NEGR1: variants seen among roughly 807,000 people sequenced by gnomAD.
NEGR1 encodes the protein neuronal growth regulator 1, also known as IgLON family member 4.
In NEGR1, 10 loss-of-function variants were observed where a neutral mutation model predicts 40.9. The ratio of observed to expected loss-of-function variants is 0.24; its 90% CI spans 0.15 to 0.42. NEGR1 has a LOEUF of 0.42. NEGR1 is among the 10% of genes least tolerant of loss of function. The pLI is 1.00. For synonymous variants in NEGR1, 185 were observed against 166.8 expected, an observed-to-expected ratio of 1.11 and a Z score of -0.84; for missense variants, 352 against 438.9, an observed-to-expected ratio of 0.80 and a Z score of 1.77.
intron 4 of NEGR1, among the ~76,000 whole-genome samples, chr1:71,640,321 T>A (rs984213448): frequency 6.6e-6 from 1 of 152,028 alleles, no homozygotes; most frequent in Non-Finnish European, 1.5e-5. Flanking sequence ...GACACAGACC[T>A]CTAACCTGCT....
At chr1:71,943,044 A>T (rs60302971) in intron 1 of NEGR1, among the ~76,000 whole-genome samples, 3 of 134,982 alleles carry the variant, frequency 2.2e-5, no homozygotes, top group African/African-American at 8.1e-5. Flanking sequence ...ATACATATAT[A>T]TGTGTATATA....
At chr1:71,543,785 G>A (rs768695882) in intron 6 of NEGR1, among the ~76,000 whole-genome samples, 1 of 151,630 alleles carries the variant, frequency 6.6e-6, no homozygotes, top group Non-Finnish European at 1.5e-5. Flanking sequence ...AAAAATCTCA[G>A]TTATGACCAA....
At chr1:71,877,952 A>C (rs903675208) in intron 2 of NEGR1, among the ~76,000 whole-genome samples, 1 of 152,136 alleles carries the variant, frequency 6.6e-6, no homozygotes, top group African/African-American at 2.4e-5. Context: ...TCATGGCCTG[A>C]ACTTCATTTA....
At chr1:72,226,178 A>C (rs1362270091) in intron 1 of NEGR1, among the ~76,000 whole-genome samples, 2 of 151,954 alleles carry the variant, frequency 1.3e-5, no homozygotes, top group East Asian at 3.9e-4. Flanking sequence ...TGCTAAAATA[A>C]AATTACACAG....
At chr1:72,044,194 T>C (rs1478435312) in intron 1 of NEGR1, among the ~76,000 whole-genome samples, 3 of 151,674 alleles carry the variant, frequency 2.0e-5, no homozygotes, top group Non-Finnish European at 2.9e-5. Flanking sequence ...CAAAATATAA[T>C]GTTTAATATC....
At chr1:71,554,337 CT>C (rs1024923330) in intron 6 of NEGR1, among the ~76,000 whole-genome samples, 16 of 150,228 alleles carry the variant, frequency 1.1e-4, no homozygotes, top group Admixed American at 3.3e-4. Context: ...TTGGAGACAT[CT>C]TTTTTTTTAG....
intron 2 of NEGR1, among the ~76,000 whole-genome samples, chr1:71,844,428 G>GA (rs1570422958): frequency 6.6e-6 from 1 of 152,192 alleles, no homozygotes; most frequent in African/African-American, 2.4e-5. Flanking sequence ...GGTTTTAATG[G>GA]AAAAAATAAC....
chr1:71,678,131 A>G (rs1311658634), intron 4 of NEGR1, among the ~76,000 whole-genome samples: 1 of 152,118 alleles, frequency 6.6e-6, no homozygotes, highest in African/African-American at 2.4e-5. Context: ...CACACCTCCA[A>G]AACAATGTAT....
chr1:71,646,234 A>G (rs1317588338), intron 4 of NEGR1, among the ~76,000 whole-genome samples: 1 of 151,854 alleles, frequency 6.6e-6, no homozygotes, highest in Admixed American at 6.6e-5. Flanking sequence ...ATATATATAC[A>G]TTCATATACA....
intron 2 of NEGR1, among the ~76,000 whole-genome samples, chr1:71,861,243 C>A (rs982012989): frequency 1.3e-5 from 2 of 151,966 alleles, no homozygotes; most frequent in Non-Finnish European, 2.9e-5. Flanking sequence ...AATGATGACA[C>A]CTACCTCCTG....
intron 1 of NEGR1, among the ~76,000 whole-genome samples, chr1:72,114,514 A>T (rs1352836959): frequency 1.3e-5 from 2 of 151,774 alleles, no homozygotes; most frequent in Non-Finnish European, 2.9e-5. Context: ...ATCTAGATAG[A>T]GCTCCGTTTC....
chr1:71,896,537 A>G (rs1340812365), intron 2 of NEGR1, among the ~76,000 whole-genome samples: 3 of 152,142 alleles, frequency 2.0e-5, no homozygotes, highest in Admixed American at 6.5e-5. Flanking sequence ...ATACAGTTGT[A>G]TTAAATTTTG....
chr1:72,158,735 C>T (rs149129722), intron 1 of NEGR1, among the ~76,000 whole-genome samples: 1 of 152,102 alleles, frequency 6.6e-6, no homozygotes, highest in East Asian at 1.9e-4. Flanking sequence ...ACAATTTGTA[C>T]AATAAACTGA....
intron 4 of NEGR1, among the ~76,000 whole-genome samples, chr1:71,659,740 G>A (rs1389205011): frequency 1.3e-5 from 2 of 152,118 alleles, no homozygotes; most frequent in African/African-American, 4.8e-5. Context: ...AAATCTCACT[G>A]ATCATTAGAG....
chr1:71,874,545 T>C (rs145431156), intron 2 of NEGR1, among the ~76,000 whole-genome samples: 2 of 152,264 alleles, frequency 1.3e-5, no homozygotes, highest in Non-Finnish European at 1.5e-5. Flanking sequence ...GGTTTTCTAC[T>C]TTATGGTGTA....
At chr1:71,944,149 G>A (rs997114002) in intron 1 of NEGR1, among the ~76,000 whole-genome samples, 15 of 152,168 alleles carry the variant, frequency 9.9e-5, no homozygotes, top group Admixed American at 3.9e-4. Flanking sequence ...TTTGATAACT[G>A]GCAGGTGCTC....
chr1:71,464,379 A>G (rs1646732210), intron 6 of NEGR1, among the ~76,000 whole-genome samples: 2 of 151,046 alleles, frequency 1.3e-5, no homozygotes, highest in African/African-American at 4.9e-5. Flanking sequence ...AGTAAAGTGA[A>G]CTGAAAGTAA....
At chr1:71,983,275 A>T (rs1019569065) in intron 1 of NEGR1, among the ~76,000 whole-genome samples, 1 of 152,156 alleles carries the variant, frequency 6.6e-6, no homozygotes, top group African/African-American at 2.4e-5. Context: ...TAAATAAGTC[A>T]AATATAGCAT....
chr1:72,128,780 T>G (rs950642274), intron 1 of NEGR1, among the ~76,000 whole-genome samples: 1 of 152,176 alleles, frequency 6.6e-6, no homozygotes, highest in Non-Finnish European at 1.5e-5. Flanking sequence ...TAAACATTAT[T>G]TCTGGGTATG....
Sources: gnomAD v4.1 joint callset for allele counts (sites outside exome capture counted in the v4.1 genomes callset) on GRCh38, gnomAD v4.1.1 for gene constraint, MANE v1.5 for transcripts, NCBI Gene and HGNC (gene_info 2026-07-23, HGNC 2026-07-21) for gene names.